Variants in EHBP1 observed in about 807,000 individuals in gnomAD.
EHBP1 encodes EH domain-binding protein 1.
In EHBP1, 55 loss-of-function variants were observed where a neutral mutation model predicts 144.0. The ratio of observed to expected loss-of-function variants is 0.38; its 90% CI spans 0.31 to 0.48. The LOEUF (loss-of-function observed/expected upper bound fraction) is 0.48. Ranked by LOEUF, EHBP1 falls within the 20% of genes least tolerant of loss-of-function variation. The pLI is 0.98. For missense variants in EHBP1, 1,200 were observed against 1,364.2 expected (o/e 0.88, Z 1.90); for synonymous variants, 469 against 472.7 (o/e 0.99, Z 0.10).
rs1320344906 is a variant in EHBP1, at chr2:62,707,032, G to A, written c.-160G>A. Reference sequence around the variant, plus strand: ...ATTCATCTAAGATGGGATTTACCCTGTGAAACAGGGAGAAGACTTATGGAC... The same window carrying A: ...ATTCATCTAAGATGGGATTTACCCTATGAAACAGGGAGAAGACTTATGGAC... On this transcript the variant is annotated 5_prime_UTR_variant, in exon 2 of 23. In the 5' UTR this introduces an upstream ATG that the reference lacks. Coordinates refer to ENST00000431489, the MANE Select transcript of EHBP1 (RefSeq NM_001142616.3). 1.7e-6 allele frequency: 1 copy of A among 598,590 alleles called. No individual in the cohort carries two copies. Among genetic ancestry groups the A allele is most frequent in the African/African-American group, 1.9e-5 (1 of 53,876 alleles). The allele number at this position is 598,590 out of a possible 1,614,324, so 37.1% of individuals were successfully genotyped here.
At position 62,874,412 on chromosome 2, in the gene EHBP1, A is replaced by C. The variant is rs776003700; in HGVS notation, c.1065A>C (p.Glu355Asp). The change falls in exon 10 of 23, where the codon GAA (glutamate) becomes GAC (aspartate). Residue 355 changes from glutamate (E) to aspartate (D), a missense_variant. Glu to Asp is a conservative substitution (Grantham distance 45). Coordinates refer to ENST00000431489, the MANE Select transcript of EHBP1 (RefSeq NM_001142616.3). ...PPNNLVNPVQ[E>D]LETERRVKRK... ...ATAATTTGGTAAATCCTGTTCAAGAACTAGAAACTGAAAGGCGAGTGAAAA... is the reference window on the plus strand; with the variant it reads ...ATAATTTGGTAAATCCTGTTCAAGACCTAGAAACTGAAAGGCGAGTGAAAA... 6.8e-6 allele frequency: 11 copies of C among 1,613,750 alleles called. No individual in the cohort carries two copies. Among genetic ancestry groups the C allele is most frequent in the Admixed American group, 1.7e-5 (1 of 59,996 alleles).
At chr2:62,685,585 C>T (rs985022727) in intron 1 of EHBP1, among the ~76,000 whole-genome samples, 2 of 152,170 alleles carry the variant, frequency 1.3e-5, no homozygotes, top group Non-Finnish European at 2.9e-5. Flanking sequence ...ATTACATCTG[C>T]AACAACCCTA....
At chr2:62,761,472 T>C (rs958785594) in intron 3 of EHBP1, among the ~76,000 whole-genome samples, 1 of 152,176 alleles carries the variant, frequency 6.6e-6, no homozygotes, top group African/African-American at 2.4e-5. Flanking sequence ...ACTAGTAAGA[T>C]GTGATAAGAT....
chr2:63,037,711 A>C, intron 20 of EHBP1, 77 bp downstream of exon 20: 1 of 792,438 alleles, frequency 1.3e-6, no homozygotes, highest in South Asian at 1.9e-5. Context: ...CTTCTTTGGG[A>C]TTTAATATTT....
chr2:62,884,492 C>T (rs539595669), intron 10 of EHBP1, among the ~76,000 whole-genome samples: 26 of 152,244 alleles, frequency 1.7e-4, no homozygotes, highest in Admixed American at 3.3e-4. Context: ...CAGGTATGGA[C>T]GCTTGGCAGG....
At chr2:62,858,662 G>A in intron 7 of EHBP1, 1 of 587,278 alleles carries the variant, frequency 1.7e-6, no homozygotes, top group Non-Finnish European at 3.0e-6. Flanking sequence ...GCACCAACAG[G>A]CAACAAGATA....
In EHBP1 at chr2:62,916,878, A is replaced by G. The variant is rs544025510; in HGVS notation, c.1186-25840A>G. 2.0e-4 allele frequency among the ~76,000 whole-genome samples: 30 copies of G among 150,932 alleles called. No individual in the cohort carries two copies. In the South Asian group the frequency reaches 4.4e-3, roughly 22 times the overall value. On this transcript the variant is annotated intron_variant, in intron 10 of 22. Coordinates refer to ENST00000431489, the MANE Select transcript of EHBP1 (RefSeq NM_001142616.3). ...TATATAAAATATAGCTATTATATACAGTATACAATTTAATAGCTATTACAA... is the reference window on the plus strand; with the variant it reads ...TATATAAAATATAGCTATTATATACGGTATACAATTTAATAGCTATTACAA...
chr2:62,798,542 C>G (rs1046087382), intron 5 of EHBP1, among the ~76,000 whole-genome samples: 1 of 152,084 alleles, frequency 6.6e-6, no homozygotes, highest in Non-Finnish European at 1.5e-5. Flanking sequence ...ATGAACTTGG[C>G]TTTTACCTCA....
intron 2 of EHBP1, among the ~76,000 whole-genome samples, chr2:62,733,826 T>C (rs1336216381): frequency 1.3e-5 from 2 of 152,196 alleles, no homozygotes; most frequent in Non-Finnish European, 2.9e-5. Flanking sequence ...CTCTCAGACT[T>C]GTCCACATCC....
intron 15 of EHBP1, among the ~76,000 whole-genome samples, chr2:62,983,980 C>A (rs2059084468): frequency 6.6e-6 from 1 of 152,132 alleles, no homozygotes; most frequent in Admixed American, 6.5e-5. Flanking sequence ...ATTTGTTGAG[C>A]TGAAATAATA....
chr2:62,774,779 A>G (rs1244367614), intron 5 of EHBP1, among the ~76,000 whole-genome samples: 1 of 152,168 alleles, frequency 6.6e-6, no homozygotes, highest in Non-Finnish European at 1.5e-5. Context: ...CAGAAGGTCA[A>G]GGCTGCAGTG....
At chr2:62,822,358 C>T (rs922875539) in intron 5 of EHBP1, among the ~76,000 whole-genome samples, 1 of 152,112 alleles carries the variant, frequency 6.6e-6, no homozygotes, top group Non-Finnish European at 1.5e-5. Flanking sequence ...TATGTAACTA[C>T]ACTATTTTAA....
chr2:62,799,535 C>A lies in EHBP1; in HGVS notation c.313-26552C>A, dbSNP rs145688854. Reference sequence around the variant, plus strand: ...TTAGACAATGCTGTGCCTAAGACATCACAGAAAGCTATGGTAATTACCTAT... The same window carrying A: ...TTAGACAATGCTGTGCCTAAGACATAACAGAAAGCTATGGTAATTACCTAT... On this transcript the variant is annotated intron_variant, in intron 5 of 22. Transcript: ENST00000431489. Among the ~76,000 whole-genome samples, 491 of 152,222 alleles carry A rather than the reference C, an allele frequency of 3.2e-3. 3 individuals carry two copies. The highest frequency in any genetic ancestry group is 0.011 in the African/African-American group (457 of 41,534).
rs527262032 is a variant in EHBP1, at chr2:62,912,518, C to T, written c.1186-30200C>T. Among the ~76,000 whole-genome samples the T allele has an allele frequency of 2.1e-4, 32 of 152,240 alleles. No homozygotes were observed. In the South Asian group the frequency reaches 6.4e-3, roughly 31 times the overall value. ...AGTGAGCCAAAATTGTGTCGCTGCA[C>T]TCCAGCCTGAGCAACAGAGCAAGAC... On this transcript the variant is annotated intron_variant, in intron 10 of 22. Coordinates refer to ENST00000431489, the MANE Select transcript of EHBP1 (RefSeq NM_001142616.3).
rs138258080 is a variant in EHBP1, at chr2:62,698,395, G to A, written c.-295-8502G>A. Among the ~76,000 whole-genome samples the A allele has an allele frequency of 3.3e-5, 5 of 152,140 alleles. No individual in the cohort carries two copies. In the East Asian group the frequency reaches 9.7e-4, roughly 29 times the overall value. On this transcript the variant is annotated intron_variant, in intron 1 of 22. Transcript: ENST00000405015. ...ATAATGCAAGACAGTTGTTTCAAGG[G>A]GCTCTCTCAATATAGGTAACTCAGT...
chr2:63,041,867 A>G (rs1393785489), intron 21 of EHBP1, among the ~76,000 whole-genome samples: 1 of 152,220 alleles, frequency 6.6e-6, no homozygotes, highest in African/African-American at 2.4e-5. Flanking sequence ...GTTTACTACA[A>G]GAACTTTAGG....
chr2:62,741,319 C>T (rs892844973), intron 2 of EHBP1, among the ~76,000 whole-genome samples: 5 of 152,166 alleles, frequency 3.3e-5, no homozygotes, highest in South Asian at 2.1e-4. Flanking sequence ...TAACGCCTCT[C>T]GTGATTAACA....
chr2:62,877,007 C>A (rs1405391551), intron 10 of EHBP1, among the ~76,000 whole-genome samples: 1 of 152,134 alleles, frequency 6.6e-6, no homozygotes, highest in African/African-American at 2.4e-5. Context: ...CAATATTAAC[C>A]TTGAATGTAA....
At chr2:63,043,989 C>A (rs1043000652) in intron 21 of EHBP1, 2 of 94,640 alleles carry the variant, frequency 2.1e-5, no homozygotes, top group Non-Finnish European at 3.8e-5. Flanking sequence ...TGTCCTGTTT[C>A]CCTCTAGGTC....
Sources: allele counts gnomAD v4.1 joint callset (sites outside exome capture counted in the v4.1 genomes callset), GRCh38; gene constraint gnomAD v4.1.1; transcripts MANE v1.5; gene names NCBI Gene and HGNC (gene_info 2026-07-23, HGNC 2026-07-21).